Variants in FBXL17 observed in about 807,000 individuals in gnomAD.
FBXL17 encodes F-box/LRR-repeat protein 17.
Under a neutral mutation model 66.2 loss-of-function variants are expected in FBXL17, and 22 were observed. The observed-to-expected ratio is 0.33, with a 90% CI of 0.24 to 0.47. The LOEUF is 0.47. Ranked by LOEUF, FBXL17 falls within the 20% of genes least tolerant of loss-of-function variation. The pLI is 1.00. For synonymous variants in FBXL17, 474 were observed against 400.5 expected (o/e 1.18, Z -2.19); for missense variants, 878 against 948.2 (o/e 0.93, Z 0.97).
At chr5:108,121,415 T>TA (rs1415535245) in intron 6 of FBXL17, among the ~76,000 whole-genome samples, 2 of 152,194 alleles carry the variant, frequency 1.3e-5, no homozygotes, top group Non-Finnish European at 2.9e-5. Flanking sequence ...TTATATGCTC[T>TA]ACACACAAAG....
chr5:108,055,302 A>C lies in FBXL17; in HGVS notation c.1746-34301T>G, dbSNP rs1347763647. Among the ~76,000 whole-genome samples, 87 of 33,322 alleles carry C rather than the reference A, an allele frequency of 2.6e-3. 1 individual carries two copies. Among genetic ancestry groups the C allele is most frequent in the Non-Finnish European group, 4.6e-3 (81 of 17,774 alleles). 21.9% of individuals were successfully genotyped at this position (33,322 alleles called of 152,430 possible). On this transcript the variant is annotated intron_variant, in intron 6 of 8. Coordinates refer to ENST00000542267, the MANE Select transcript of FBXL17 (RefSeq NM_001163315.3). ...TTAGAAAAAAAAAAAAAAAAAAAAA[A>C]AAAAAAAAAAAGAAAAACGCTTCAG...
chr5:108,210,612 TG>T (rs1363562987), intron 5 of FBXL17, among the ~76,000 whole-genome samples: 1 of 152,244 alleles, frequency 6.6e-6, no homozygotes, highest in African/African-American at 2.4e-5. Context: ...TCCATGTAGT[TG>T]TGCGGTTTTG....
intron 7 of FBXL17, among the ~76,000 whole-genome samples, chr5:107,958,586 T>C (rs933433661): frequency 3.9e-5 from 6 of 152,220 alleles, no homozygotes; most frequent in African/African-American, 1.4e-4. Context: ...AATCTATAGA[T>C]AGCTCTTATG....
At chr5:107,946,016 A>G (rs1467905766) in intron 7 of FBXL17, among the ~76,000 whole-genome samples, 1 of 151,764 alleles carries the variant, frequency 6.6e-6, no homozygotes, top group Non-Finnish European at 1.5e-5. Flanking sequence ...TTTAAAGCAC[A>G]CAGTATTAGC....
chr5:108,381,779 G>C lies in FBXL17; in HGVS notation c.-88C>G. ...CGGCAGCGGGGCAGGCCGCTCGCTG[G>C]CTCGGCCCCCGGAGGGGTCGCCCTT... On this transcript the variant is annotated 5_prime_UTR_variant, in exon 1 of 9. Transcript: ENST00000542267. 7.3e-7 allele frequency: 1 copy of C among 1,362,702 alleles called. No homozygotes were observed. Among genetic ancestry groups the C allele is most frequent in the Non-Finnish European group, 9.4e-7 (1 of 1,062,984 alleles). 84.4% of individuals were successfully genotyped at this position (1,362,702 alleles called of 1,614,324 possible).
intron 4 of FBXL17, among the ~76,000 whole-genome samples, chr5:108,254,665 A>G (rs931584957): frequency 1.1e-4 from 17 of 152,222 alleles, no homozygotes; most frequent in African/African-American, 4.1e-4. Context: ...GGATGCTACA[A>G]TATGCTAATT....
At chr5:108,083,367 A>G (rs1748848521) in intron 6 of FBXL17, among the ~76,000 whole-genome samples, 1 of 152,128 alleles carries the variant, frequency 6.6e-6, no homozygotes, top group Non-Finnish European at 1.5e-5. Context: ...ACTGCTCTCT[A>G]GGGTTTTCCA....
intron 7 of FBXL17, among the ~76,000 whole-genome samples, chr5:108,008,863 G>T (rs1754037395): frequency 6.6e-6 from 1 of 151,788 alleles, no homozygotes; most frequent in Non-Finnish European, 1.5e-5. Flanking sequence ...GATCCTATTA[G>T]GATTTTATTG....
At chr5:108,104,185 G>C (rs762642684) in intron 6 of FBXL17, among the ~76,000 whole-genome samples, 1 of 152,040 alleles carries the variant, frequency 6.6e-6, no homozygotes. Context: ...ACAGTCATGC[G>C]CACCCACGCC....
chr5:108,363,422 A>C (rs954208424), intron 3 of FBXL17, among the ~76,000 whole-genome samples: 1 of 151,944 alleles, frequency 6.6e-6, no homozygotes, highest in Non-Finnish European at 1.5e-5. Context: ...ATTACTTAAG[A>C]AGAAAACTAC....
chr5:107,920,943 A>G (rs945718282), intron 7 of FBXL17, among the ~76,000 whole-genome samples: 4 of 152,226 alleles, frequency 2.6e-5, no homozygotes, highest in African/African-American at 9.6e-5. Context: ...ACCATGGTTT[A>G]CAATGCATTT....
chr5:108,073,358 A>G (rs937779699), intron 6 of FBXL17, among the ~76,000 whole-genome samples: 1 of 152,068 alleles, frequency 6.6e-6, no homozygotes, highest in Non-Finnish European at 1.5e-5. Flanking sequence ...ACATGACTTG[A>G]GTCATGTTTC....
chr5:108,010,166 A>G (rs1003554670), intron 7 of FBXL17, among the ~76,000 whole-genome samples: 1 of 152,232 alleles, frequency 6.6e-6, no homozygotes, highest in Non-Finnish European at 1.5e-5. Context: ...GAAGTTTGAA[A>G]GCCCATGAAT....
intron 6 of FBXL17, among the ~76,000 whole-genome samples, chr5:108,051,289 A>G (rs189966479): frequency 5.3e-5 from 8 of 152,224 alleles, no homozygotes; most frequent in Non-Finnish European, 1.0e-4. Context: ...ACAACAAAAA[A>G]GAAAACTTCA....
intron 7 of FBXL17, among the ~76,000 whole-genome samples, chr5:107,937,553 T>TCTGA (rs1750953770): frequency 6.6e-6 from 1 of 152,182 alleles, no homozygotes; most frequent in East Asian, 1.9e-4. Flanking sequence ...ATAAGCTTAC[T>TCTGA]CTGACCTCCG....
rs72240923 is a variant in FBXL17 at position 108,260,034 on chromosome 5, C to CAAA, written c.1507-35809_1507-35807dup. On this transcript the variant is annotated intron_variant, in intron 4 of 8. Coordinates refer to ENST00000542267, the MANE Select transcript of FBXL17 (RefSeq NM_001163315.3). ...TTATAAGAAACTTAAAAAAAAAAAA[C>CAAA]AAAAAAAAAACCTATGTACGTTGAA... is the stretch of plus-strand genomic sequence containing the variant. 1.1e-4 allele frequency among the ~76,000 whole-genome samples: 15 copies of CAAA among 140,790 alleles called. No individual in the cohort carries two copies. In the East Asian group the frequency reaches 2.0e-3, roughly 19 times the overall value. 92.4% of individuals were successfully genotyped at this position (140,790 alleles called of 152,430 possible).
intron 6 of FBXL17, among the ~76,000 whole-genome samples, chr5:108,070,714 T>C (rs1186504465): frequency 6.6e-6 from 1 of 152,150 alleles, no homozygotes; most frequent in African/African-American, 2.4e-5. Flanking sequence ...CTTTGGACAG[T>C]TTTTACTAAC....
chr5:108,010,768 T>TA (rs200408191), intron 7 of FBXL17, among the ~76,000 whole-genome samples: 32 of 151,244 alleles, frequency 2.1e-4, no homozygotes, highest in Middle Eastern at 3.4e-3. Flanking sequence ...TGAGCATCAA[T>TA]AAAAAAAAAT....
Position 108,312,156 on chromosome 5 carries a change from T to C in FBXL17, c.1506+36243A>G, listed in dbSNP as rs542783675. Among the ~76,000 whole-genome samples, 3 of 152,248 alleles carry C rather than the reference T, an allele frequency of 2.0e-5. No homozygotes were observed. In the South Asian group the frequency reaches 6.2e-4, roughly 32 times the overall value. ...TACATACCACCAGCATCACAGCTTA[T>C]GTAAAAGGCTATTGCAGAACAGATT... On this transcript the variant is annotated intron_variant, in intron 4 of 8. Transcript: ENST00000542267.
Sources: allele counts gnomAD v4.1 joint callset (sites outside exome capture counted in the v4.1 genomes callset), GRCh38; gene constraint gnomAD v4.1.1; transcripts MANE v1.5; gene names NCBI Gene and HGNC (gene_info 2026-07-23, HGNC 2026-07-21).